Variants in MACF1 observed in about 807,000 individuals in gnomAD.
MACF1 encodes the protein microtubule actin crosslinking factor 1.
In MACF1, 193 loss-of-function variants were observed where a neutral mutation model predicts 854.8. That is an observed-to-expected ratio of 0.23 (90% CI 0.20 to 0.25). MACF1 has a LOEUF of 0.25. MACF1 is among the 10% of genes least tolerant of loss of function. The pLI is 1.00. For synonymous variants in MACF1, 3,185 were observed against 3,226.7 expected (o/e 0.99, Z 0.44); for missense variants, 7,722 against 8,929.1 (o/e 0.86, Z 5.45).
chr1:39,288,925 A>C (rs1473067999), intron 15 of MACF1, among the ~76,000 whole-genome samples: 1 of 152,156 alleles, frequency 6.6e-6, no homozygotes, highest in Non-Finnish European at 1.5e-5. Context: ...CCTCCCTCTG[A>C]TCCCGTAATA....
chr1:39,322,536 C>T, intron 31 of MACF1, 72 bp from the exon 32 acceptor site: 3 of 1,301,920 alleles, frequency 2.3e-6, no homozygotes, highest in South Asian at 1.2e-5. Flanking sequence ...CAATAAAAAG[C>T]TATGATTTAT....
At chr1:39,369,925 C>G (rs1649084554) in intron 50 of MACF1, 105 bp from the exon 51 acceptor site, 2 of 1,008,698 alleles carry the variant, frequency 2.0e-6, no homozygotes, top group Admixed American at 4.8e-5. Flanking sequence ...GAAAGAAAGG[C>G]CATGTTAGGT....
chr1:39,162,423 A>T (rs185113263), intron 2 of MACF1, among the ~76,000 whole-genome samples: 1 of 152,254 alleles, frequency 6.6e-6, no homozygotes, highest in East Asian at 1.9e-4. Flanking sequence ...CTGGAATCCC[A>T]TTATTTTTTT....
rs369325805 is a variant in MACF1, at chr1:39,432,503, ATTTG to A, written c.17338-28_17338-25del. 1,519 of 1,610,794 alleles carry A rather than the reference ATTTG, an allele frequency of 9.4e-4. 15 individuals are homozygous for A. The African/African-American group carries it at 0.018, about 19-fold the overall frequency. On this transcript the variant is annotated intron_variant, in intron 66 of 100. Transcript: ENST00000564288. ...TTATGTGGAGACTTGGCTGTATATA[ATTTG>A]TTTATTTTTCTTTAATACGTCTATT... is the stretch of plus-strand genomic sequence containing the variant.
intron 2 of MACF1, among the ~76,000 whole-genome samples, chr1:39,235,254 G>A (rs996269412): frequency 2.0e-5 from 3 of 152,248 alleles, no homozygotes; most frequent in Non-Finnish European, 4.4e-5. Flanking sequence ...CTGCAATCCC[G>A]GCACCTTGGG....
chr1:39,381,725 G>A (rs559911118), intron 55 of MACF1, among the ~76,000 whole-genome samples: 16 of 152,248 alleles, frequency 1.1e-4, no homozygotes, highest in Admixed American at 9.8e-4. Context: ...AGCTACTTGG[G>A]ACGCTGAGGT....
At chr1:39,396,411 A>G (rs1642276137) in intron 58 of MACF1, among the ~76,000 whole-genome samples, 1 of 152,168 alleles carries the variant, frequency 6.6e-6, no homozygotes, top group Non-Finnish European at 1.5e-5. Flanking sequence ...TTCTTCACAT[A>G]CAGTATCAGT....
At chr1:39,156,999 T>C (rs1643704067) in intron 2 of MACF1, among the ~76,000 whole-genome samples, 1 of 151,732 alleles carries the variant, frequency 6.6e-6, no homozygotes, top group Non-Finnish European at 1.5e-5. Context: ...AGTTGGGGTC[T>C]TGCTCTGTCA....
At chr1:39,454,532 G>A (rs1405248229) in intron 88 of MACF1, among the ~76,000 whole-genome samples, 1 of 152,284 alleles carries the variant, frequency 6.6e-6, no homozygotes, top group East Asian at 1.9e-4. Flanking sequence ...CGGGAGCAGT[G>A]GATCACGCCT....
rs574444076 is a variant in MACF1, at chr1:39,429,587, G to A, written c.16889-240G>A. On this transcript the variant is annotated intron_variant, in intron 64 of 100. Coordinates refer to ENST00000564288, the MANE Select transcript of MACF1 (RefSeq NM_001394062.1). ...TGCCAACATGCACTGAAAGGTGCTG[G>A]AAACATCTAGAAACACTTGACGCTG... is the stretch of plus-strand genomic sequence containing the variant. 2.0e-5 allele frequency among the ~76,000 whole-genome samples: 3 copies of A among 152,164 alleles called. No homozygotes were observed. The South Asian group carries it at 6.2e-4, about 32-fold the overall frequency.
At chr1:39,327,384 G>T in intron 36 of MACF1, 31 bp downstream of exon 36, 1 of 1,570,816 alleles carries the variant, frequency 6.4e-7, no homozygotes, top group Non-Finnish European at 8.7e-7. Context: ...CAAATATTGG[G>T]TGGATACCTT....
At chr1:39,149,504 G>A (rs1643531326) in intron 2 of MACF1, among the ~76,000 whole-genome samples, 1 of 151,284 alleles carries the variant, frequency 6.6e-6, no homozygotes, top group Non-Finnish European at 1.5e-5. Context: ...CTGAAGCCTG[G>A]GTGATAGAGT....
At position 39,268,649 on chromosome 1, in the gene MACF1, C is replaced by T. The variant is rs189425990; in HGVS notation, c.528+10621C>T. On this transcript the variant is annotated intron_variant, in intron 6 of 100. Transcript: ENST00000564288. ...GCCAAGGTTGGGATTTCTGTGGGATCCCAGGACTGGCTTAGCTGCGTTTTT... is the reference window on the plus strand; with the variant it reads ...GCCAAGGTTGGGATTTCTGTGGGATTCCAGGACTGGCTTAGCTGCGTTTTT... 5.6e-5 allele frequency: 68 copies of T among 1,218,294 alleles called. 1 individual carries two copies. In the South Asian group the frequency reaches 8.7e-4, roughly 16 times the overall value. 75.5% of individuals were successfully genotyped at this position (1,218,294 alleles called of 1,614,324 possible).
chr1:39,264,271 A>G (rs1355336213), intron 6 of MACF1, among the ~76,000 whole-genome samples: 4 of 152,148 alleles, frequency 2.6e-5, no homozygotes, highest in East Asian at 1.9e-4. Flanking sequence ...TGGGTTATAT[A>G]CTTTCCTTCA....
intron 2 of MACF1, among the ~76,000 whole-genome samples, chr1:39,233,367 T>C (rs569975825): frequency 6.6e-5 from 10 of 152,292 alleles, no homozygotes; most frequent in Admixed American, 3.3e-4. Flanking sequence ...GGGCCTTGTG[T>C]TCTTTCATTT....
Position 39,409,397 on chromosome 1 carries a change from C to G in MACF1, c.15817-12977C>G, listed in dbSNP as rs1642880747. On this transcript the variant is annotated intron_variant, in intron 58 of 100. Coordinates refer to ENST00000564288, the MANE Select transcript of MACF1 (RefSeq NM_001394062.1). This position sits in a 1 kb window ranked among gnomAD's most constrained non-coding sequence, Gnocchi z 4.2. ...CTGAGCGCGGGACCTGAGGCTGGCG[C>G]GGCCGGGAGCCACCTGCAGCCTGCG... 1 of 152,632 alleles carries G rather than the reference C, an allele frequency of 6.6e-6. No individual in the cohort carries two copies. Among genetic ancestry groups the G allele is most frequent in the African/African-American group, 2.4e-5 (1 of 41,434 alleles). 9.5% of individuals were successfully genotyped at this position (152,632 alleles called of 1,614,324 possible).
At chr1:39,139,351 G>A (rs1643268497) in intron 2 of MACF1, among the ~76,000 whole-genome samples, 1 of 150,348 alleles carries the variant, frequency 6.7e-6, no homozygotes, top group Admixed American at 6.6e-5. Context: ...CTGCCTTCCA[G>A]GTTCAAGCGA....
rs36113375 is a variant in MACF1 at position 39,218,182 on chromosome 1, CAA to C, written c.110-12979_110-12978del. Reference sequence around the variant, plus strand: ...TGGGCGACAGAGCGAGACTCCGTCTCAAAAAAAAAAAAAAAAAAAAAAGCTTC... The same window carrying C: ...TGGGCGACAGAGCGAGACTCCGTCTCAAAAAAAAAAAAAAAAAAAAGCTTC... On this transcript the variant is annotated intron_variant, in intron 1 of 100. Transcript: ENST00000564288. Among the ~76,000 whole-genome samples, 74 of 84,472 alleles carry C rather than the reference CAA, an allele frequency of 8.8e-4. No individual in the cohort carries two copies. In the East Asian group the frequency reaches 0.01, roughly 12 times the overall value. 55.4% of individuals were successfully genotyped at this position (84,472 alleles called of 152,430 possible). A position where few individuals can be genotyped will look rare whatever the true frequency, so the allele number is the denominator to read the frequency against.
chr1:39,182,974 T>C (rs909923150), intron 2 of MACF1, among the ~76,000 whole-genome samples: 2 of 152,240 alleles, frequency 1.3e-5, no homozygotes, highest in African/African-American at 4.8e-5. Flanking sequence ...AACTGATGAA[T>C]GGATAAACAC....
Sources: gnomAD v4.1 joint callset for allele counts (sites outside exome capture counted in the v4.1 genomes callset) on GRCh38, gnomAD v4.1.1 for gene constraint, Gnocchi (gnomAD v3.1) non-coding constraint, MANE v1.5 for transcripts, NCBI Gene and HGNC (gene_info 2026-07-23, HGNC 2026-07-21) for gene names.